Variants in RBFOX3 observed in about 807,000 individuals in gnomAD.
RBFOX3 encodes RNA binding protein fox-1 homolog 3.
RBFOX3 carries 17 observed loss-of-function variants against 48.7 expected under a neutral mutation model. That is an observed-to-expected ratio of 0.35 (90% CI 0.24 to 0.52). RBFOX3 has a LOEUF of 0.52. Among genes scored for constraint, RBFOX3 ranks in the 20% least tolerant of loss-of-function variants. The probability of loss-of-function intolerance (pLI) is 0.94; values close to 1 mark genes in which losing one functional copy is unlikely to be tolerated. For synonymous variants in RBFOX3, 212 were observed against 209.5 expected (o/e 1.01, Z -0.10); for missense variants, 382 against 497.5 (o/e 0.77, Z 2.21).
At chr17:79,491,474 G>A (rs1218992008) in intron 1 of RBFOX3, among the ~76,000 whole-genome samples, 2 of 152,030 alleles carry the variant, frequency 1.3e-5, no homozygotes, top group African/African-American at 4.8e-5. Context: ...ATCTCAGTAG[G>A]GAGGTGGCCC....
chr17:79,427,705 G>A (rs1347218317), intron 2 of RBFOX3, among the ~76,000 whole-genome samples: 6 of 152,242 alleles, frequency 3.9e-5, no homozygotes, highest in African/African-American at 1.4e-4. Flanking sequence ...GAAGCACAAT[G>A]AGCAGAGAAG....
chr17:79,658,352 C>T, the RBFOX3 span, among the ~76,000 whole-genome samples: 1 of 117,264 alleles, frequency 8.5e-6, no homozygotes, highest in Non-Finnish European at 1.8e-5. Flanking sequence ...CCCCCTCCAC[C>T]CCTCCCTCTC....
At chr17:79,563,447 C>T (rs1333659005) in intron 1 of RBFOX3, among the ~76,000 whole-genome samples, 1 of 152,228 alleles carries the variant, frequency 6.6e-6, no homozygotes. Flanking sequence ...AAGGCAGCCA[C>T]TTCTCAGCAT....
At chr17:79,303,801 G>A (rs775424567) in intron 3 of RBFOX3, among the ~76,000 whole-genome samples, 4 of 152,042 alleles carry the variant, frequency 2.6e-5, no homozygotes, top group Non-Finnish European at 5.9e-5. Context: ...ATGTACCTGC[G>A]TGTGCGGTAC....
intron 1 of RBFOX3, among the ~76,000 whole-genome samples, chr17:79,582,816 A>C (rs2093120531): frequency 6.8e-6 from 1 of 146,344 alleles, no homozygotes; most frequent in Non-Finnish European, 1.5e-5. Flanking sequence ...AAAAGGATGC[A>C]ATTCCTGGAA....
intron 1 of RBFOX3, among the ~76,000 whole-genome samples, chr17:79,573,448 C>T (rs1174404838): frequency 6.6e-6 from 1 of 152,212 alleles, no homozygotes; most frequent in Non-Finnish European, 1.5e-5. Context: ...GGAGGAGGGG[C>T]TTCCAGGCTG....
intron 2 of RBFOX3, among the ~76,000 whole-genome samples, chr17:79,434,240 A>C (rs2068982540): frequency 6.6e-6 from 1 of 152,254 alleles, no homozygotes; most frequent in African/African-American, 2.4e-5. Flanking sequence ...GCTGCTCTGC[A>C]CAGGTGCAGG....
At chr17:79,336,340 T>G (rs2081184953) in intron 2 of RBFOX3, among the ~76,000 whole-genome samples, 1 of 151,506 alleles carries the variant, frequency 6.6e-6, no homozygotes, top group East Asian at 1.9e-4. Flanking sequence ...TGAGCCAAGA[T>G]CGCACCACTG....
At chr17:79,533,666 C>T (rs1210900431) in intron 1 of RBFOX3, among the ~76,000 whole-genome samples, 1 of 152,216 alleles carries the variant, frequency 6.6e-6, no homozygotes, top group African/African-American at 2.4e-5. Context: ...GGGAAGAGCC[C>T]AGGGGCTGGT....
intron 1 of RBFOX3, among the ~76,000 whole-genome samples, chr17:79,582,722 A>G (rs1313023066): frequency 6.8e-6 from 1 of 146,178 alleles, no homozygotes; most frequent in African/African-American, 2.5e-5. Context: ...TGTTGAGGCT[A>G]CAGTGAGCCA....
At position 79,288,391 on chromosome 17, in the gene RBFOX3, A is replaced by G. The variant is rs140113050; in HGVS notation, c.-74+19333T>C. Among the ~76,000 whole-genome samples the G allele has an allele frequency of 9.3e-3, 1,423 of 152,228 alleles. 22 individuals carry two copies. The highest frequency in any genetic ancestry group is 0.033 in the African/African-American group (1,351 of 41,510). On this transcript the variant is annotated intron_variant, in intron 3 of 14. Coordinates refer to ENST00000693108, the MANE Select transcript of RBFOX3 (RefSeq NM_001350451.2). ...TCTGCTCAAAGAAAGTCCTCCCATG[A>G]CTGGAGGAGTCTCCTGGCCTTCTTC... is the stretch of plus-strand genomic sequence containing the variant.
chr17:79,106,481 C>A (rs2077391291), intron 6 of RBFOX3, among the ~76,000 whole-genome samples, 170 bp downstream of exon 6: 1 of 151,910 alleles, frequency 6.6e-6, no homozygotes, highest in South Asian at 2.1e-4. Context: ...CAGGTCAGGG[C>A]AGGGCTGGGC....
At chr17:79,167,885 C>G (rs1360663211) in intron 4 of RBFOX3, among the ~76,000 whole-genome samples, 2 of 152,216 alleles carry the variant, frequency 1.3e-5, no homozygotes, top group Admixed American at 6.5e-5. Context: ...AGGGGAAGCA[C>G]AGAACCTCCA....
chr17:79,570,963 G>T (rs967768020), intron 1 of RBFOX3, among the ~76,000 whole-genome samples: 10 of 152,202 alleles, frequency 6.6e-5, no homozygotes, highest in Non-Finnish European at 1.0e-4. Flanking sequence ...GATGAGGGGG[G>T]GCCCCCGGGA....
intron 1 of RBFOX3, among the ~76,000 whole-genome samples, chr17:79,557,874 G>A (rs1232719169): frequency 2.0e-5 from 3 of 152,224 alleles, no homozygotes; most frequent in Admixed American, 6.5e-5. Context: ...AAAACCTGCC[G>A]AGGACGCAGG....
At position 79,479,515 on chromosome 17, in the gene RBFOX3, T is replaced by C. The variant is rs971473562; in HGVS notation, c.-175+2939A>G. On this transcript the variant is annotated intron_variant, in intron 2 of 14. Coordinates refer to ENST00000693108, the MANE Select transcript of RBFOX3 (RefSeq NM_001350451.2). The surrounding 1 kb of genome is among the most constrained non-coding windows in gnomAD (Gnocchi z 5.1). Reference sequence around the variant, plus strand: ...TCACCCTTTTAGAAAAGGAAGACTCTGAAAGGCAGATTCCTCACTTCACAA... The same window carrying C: ...TCACCCTTTTAGAAAAGGAAGACTCCGAAAGGCAGATTCCTCACTTCACAA... Among the ~76,000 whole-genome samples, 11 of 152,336 alleles carry C rather than the reference T, an allele frequency of 7.2e-5. No homozygotes were observed. The highest frequency in any genetic ancestry group is 2.0e-4 in the Admixed American group (3 of 15,306).
At chr17:79,342,980 G>A (rs539313307) in intron 2 of RBFOX3, among the ~76,000 whole-genome samples, 6 of 100,834 alleles carry the variant, frequency 6.0e-5, no homozygotes, top group East Asian at 2.4e-4. Context: ...GAGAAAGAGC[G>A]AGAGAGAGAG....
intron 2 of RBFOX3, among the ~76,000 whole-genome samples, chr17:79,324,126 C>G (rs1168661024): frequency 6.6e-6 from 1 of 152,112 alleles, no homozygotes; most frequent in East Asian, 1.9e-4. Flanking sequence ...TGGGTCAGGC[C>G]TGGGGACTGC....
chr17:79,181,087 T>G (rs1384959786), intron 4 of RBFOX3, among the ~76,000 whole-genome samples: 1 of 152,216 alleles, frequency 6.6e-6, no homozygotes, highest in Non-Finnish European at 1.5e-5. Context: ...CTGCCATTTT[T>G]CGGAGGCTTG....
Sources: gnomAD v4.1 joint callset for allele counts (sites outside exome capture counted in the v4.1 genomes callset) on GRCh38, gnomAD v4.1.1 for gene constraint, Gnocchi (gnomAD v3.1) non-coding constraint, MANE v1.5 for transcripts, NCBI Gene and HGNC (gene_info 2026-07-23, HGNC 2026-07-21) for gene names.